The following POU2F2 variants were observed in gnomAD, a reference collection of about 807,000 sequenced individuals.
The protein encoded by POU2F2 is POU class 2 homeobox 2.
In POU2F2, 14 loss-of-function variants were observed where a neutral mutation model predicts 63.5. The ratio of observed to expected loss-of-function variants is 0.22; its 90% confidence interval spans 0.15 to 0.34. The LOEUF is 0.34. Among genes scored for constraint, POU2F2 ranks in the 10% least tolerant of loss-of-function variants. POU2F2 has a pLI of 1.00. For synonymous variants in POU2F2, 306 were observed against 348.6 expected, an observed-to-expected ratio of 0.88 and a Z score of 1.36; for missense variants, 607 against 815.2, an observed-to-expected ratio of 0.74 and a Z score of 3.11.
chr19:42,122,444 C>T, intron 2 of POU2F2, 66 bp from the exon 3 acceptor site: 9 of 1,609,552 alleles, frequency 5.6e-6, no homozygotes, highest in South Asian at 2.2e-5. Context: ...CCTCCCAGCT[C>T]TCTTCCCATC....
At chr19:42,181,020 T>C (rs993551361), upstream of POU2F2, among the ~76,000 whole-genome samples, 2 of 152,222 alleles carry the variant, frequency 1.3e-5, no homozygotes, top group Non-Finnish European at 2.9e-5. Context: ...CTTGCCAGTA[T>C]GTTAAGAGTC....
At chr19:42,183,701 C>T (rs904666461) in intron 1 of POU2F2, among the ~76,000 whole-genome samples, 1 of 152,040 alleles carries the variant, frequency 6.6e-6, no homozygotes, top group Non-Finnish European at 1.5e-5. Context: ...GGGGCAGTGA[C>T]GGAAGGCTTC....
At chr19:42,138,530 T>C (rs1316822100) in intron 2 of POU2F2, among the ~76,000 whole-genome samples, 1 of 152,074 alleles carries the variant, frequency 6.6e-6, no homozygotes, top group Non-Finnish European at 1.5e-5. Context: ...GGTGGAAGGC[T>C]TCTGCGCAGA....
At chr19:42,094,665 C>A (rs1404370697) in intron 11 of POU2F2, among the ~76,000 whole-genome samples, 1 of 152,192 alleles carries the variant, frequency 6.6e-6, no homozygotes, top group African/African-American at 2.4e-5. Context: ...GCTGGGCACA[C>A]CCTGGCTTCT....
intron 1 of POU2F2, among the ~76,000 whole-genome samples, chr19:42,187,805 C>T (rs1007634399): frequency 6.6e-6 from 1 of 151,034 alleles, no homozygotes; most frequent in Admixed American, 6.6e-5. Flanking sequence ...AATGAAGTCC[C>T]TAAATGGACC....
chr19:42,097,134 T>C (rs1444316650), intron 7 of POU2F2, among the ~76,000 whole-genome samples: 1 of 151,596 alleles, frequency 6.6e-6, no homozygotes, highest in African/African-American at 2.4e-5. Flanking sequence ...TGTTTGTCGC[T>C]CAGGTCCTTT....
In POU2F2 at chr19:42,195,196, C is replaced by T. The variant is rs145619271; in HGVS notation, c.-70+1187G>A. Among the ~76,000 whole-genome samples, 267 of 151,520 alleles carry T rather than the reference C, an allele frequency of 1.8e-3. 1 individual carries two copies. Among genetic ancestry groups the T allele is most frequent in the Middle Eastern group, 0.01 (3 of 292 alleles). Reference sequence around the variant, plus strand: ...AATGGAGGGAGGGATGAGAGCATGACAGAAAGGTGGGCAGGTGGCTCCCTG... The same window carrying T: ...AATGGAGGGAGGGATGAGAGCATGATAGAAAGGTGGGCAGGTGGCTCCCTG... On this transcript the variant is annotated intron_variant, in intron 1 of 5. Transcript: ENST00000532176.
intron 5 of POU2F2, among the ~76,000 whole-genome samples, chr19:42,108,922 T>C (rs1405023559): frequency 6.6e-6 from 1 of 152,222 alleles, no homozygotes; most frequent in Non-Finnish European, 1.5e-5. Context: ...TTCTTGCTCA[T>C]TGCTGTATTT....
At chr19:42,106,198 C>A (rs766400028) in intron 5 of POU2F2, among the ~76,000 whole-genome samples, 1 of 151,808 alleles carries the variant, frequency 6.6e-6, no homozygotes, top group Admixed American at 6.6e-5. Flanking sequence ...CTCTGCCTCC[C>A]GGGTTCAAGC....
Position 42,099,674 on chromosome 19 carries a change from C to T in POU2F2, c.475+42G>A, listed in dbSNP as rs768826899. On this transcript the variant is annotated intron_variant, in intron 6 of 14. Coordinates refer to ENST00000692977, the MANE Select transcript of POU2F2 (RefSeq NM_001394376.1). ...AGGGGGAGGGGAAGGTGAGGAAGTT[C>T]TGTGGAGGCGTCAGGGAGGCCATCT... 5.0e-6 allele frequency: 8 copies of T among 1,603,232 alleles called. No homozygotes were observed. The South Asian group carries it at 7.7e-5, about 16-fold the overall frequency.
At chr19:42,106,981 A>C (rs751853805) in intron 5 of POU2F2, among the ~76,000 whole-genome samples, 7 of 152,076 alleles carry the variant, frequency 4.6e-5, no homozygotes, top group Non-Finnish European at 8.8e-5. Flanking sequence ...AGCTATGATC[A>C]CACCATGGCA....
chr19:42,103,073 T>C (rs1204901001), intron 5 of POU2F2, among the ~76,000 whole-genome samples: 1 of 151,928 alleles, frequency 6.6e-6, no homozygotes, highest in Non-Finnish European at 1.5e-5. Context: ...CCTCAGGGCC[T>C]TTATACATGC....
intron 1 of POU2F2, among the ~76,000 whole-genome samples, chr19:42,194,962 AGGAGGGGGGAGGGAGGGAGAAAGAGAG>A (rs2035116704): frequency 1.2e-5 from 1 of 81,484 alleles, no homozygotes; most frequent in Non-Finnish European, 2.4e-5. Flanking sequence ...AAGGAAATGA[AGGAGGGGGGAGGGAGGGAGAAAGAGAG>A]GGAGGGAGGA....
rs2076934643 is a variant in POU2F2 at position 42,096,706 on chromosome 19, A to C, written c.568-463T>G. 6.6e-6 allele frequency among the ~76,000 whole-genome samples: 1 copy of C among 152,200 alleles called. No homozygotes were observed. Among genetic ancestry groups the C allele is most frequent in the Non-Finnish European group, 1.5e-5 (1 of 68,036 alleles). On this transcript the variant is annotated intron_variant, in intron 7 of 14. Transcript: ENST00000692977. This position sits in a 1 kb window ranked among gnomAD's most constrained non-coding sequence, Gnocchi z 4.1. ...CTGTCTACCCAGTGGGGCTGTTGAG[A>C]GAATCGGGTTAAAAATGAGTAGGTC...
At chr19:42,154,943 A>G (rs1000312748) in intron 2 of POU2F2, among the ~76,000 whole-genome samples, 24 of 152,184 alleles carry the variant, frequency 1.6e-4, no homozygotes, top group African/African-American at 5.6e-4. Flanking sequence ...GGACCTGATC[A>G]CATGGGTAGG....
chr19:42,154,245 T>G (rs1169239560), intron 2 of POU2F2, among the ~76,000 whole-genome samples: 2 of 146,084 alleles, frequency 1.4e-5, no homozygotes, highest in African/African-American at 2.6e-5. Context: ...GAGGCAGGGA[T>G]GGACAGCCAG....
chr19:42,090,972 T>G lies in POU2F2; in HGVS notation c.*285A>C. ...TTTTGGTTTGTTTGATTTTGTGGGTTTTTTTTTTTTTTGGTTTGTTTTTGG... is the reference window on the plus strand; with the variant it reads ...TTTTGGTTTGTTTGATTTTGTGGGTGTTTTTTTTTTTTGGTTTGTTTTTGG... On this transcript the variant is annotated 3_prime_UTR_variant, in exon 15 of 15. Coordinates refer to ENST00000692977, the MANE Select transcript of POU2F2 (RefSeq NM_001394376.1). This position sits in a 1 kb window ranked among gnomAD's most constrained non-coding sequence, Gnocchi z 4.4. 1 of 231,452 alleles carries G rather than the reference T, an allele frequency of 4.3e-6. No homozygotes were observed. Among genetic ancestry groups the G allele is most frequent in the Non-Finnish European group, 8.3e-6 (1 of 120,324 alleles). The allele number at this position is 231,452 out of a possible 1,614,324, so 14.3% of individuals were successfully genotyped here.
upstream of POU2F2, among the ~76,000 whole-genome samples, chr19:42,178,413 C>T (rs562429683): frequency 5.9e-5 from 9 of 152,060 alleles, no homozygotes; most frequent in Non-Finnish European, 8.8e-5. Context: ...GAAAGCTACA[C>T]GCAAAGAGAG....
Position 42,169,503 on chromosome 19 carries a change from G to A in POU2F2, c.-70+6460C>T, listed in dbSNP as rs936241932. ...CATCTCTGTGGACAAATATACAAAC[G>A]TCTATGTGCATCTGCAGGGTTTAGC... On this transcript the variant is annotated intron_variant, in intron 1 of 6. Coordinates refer to the POU2F2 transcript ENST00000524801. This position sits in a 1 kb window ranked among gnomAD's most constrained non-coding sequence, Gnocchi z 4.3. 3.3e-5 allele frequency among the ~76,000 whole-genome samples: 5 copies of A among 152,230 alleles called. No individual in the cohort carries two copies. Among genetic ancestry groups the A allele is most frequent in the East Asian group, 3.9e-4 (2 of 5,174 alleles).
Sources: gnomAD v4.1 joint callset for allele counts (sites outside exome capture counted in the v4.1 genomes callset) on GRCh38, gnomAD v4.1.1 for gene constraint, Gnocchi (gnomAD v3.1) non-coding constraint, MANE v1.5 for transcripts, NCBI Gene and HGNC (gene_info 2026-07-23, HGNC 2026-07-21) for gene names.